ZNF649: variants seen among roughly 807,000 people sequenced by gnomAD.
ZNF649 encodes the protein zinc finger protein 649.
Under a neutral mutation model 14.1 loss-of-function variants are expected in ZNF649, and 7 were observed. The ratio of observed to expected loss-of-function variants is 0.49; its 90% CI spans 0.28 to 0.93. The LOEUF is 0.93. Ranked by LOEUF, ZNF649 falls within the 40% of genes least tolerant of loss-of-function variation. The pLI, the probability that ZNF649 is intolerant of heterozygous loss-of-function variation, is 0.10. For missense variants in ZNF649, 544 were observed against 608.1 expected, an observed-to-expected ratio of 0.89 and a Z score of 1.11; for synonymous variants, 227 against 212.3, an observed-to-expected ratio of 1.07 and a Z score of -0.60.
In ZNF649 at chr19:51,891,614, T is replaced by C; in HGVS notation, c.522A>G (p.Ile174Met). 1.2e-6 allele frequency: 2 copies of C among 1,614,238 alleles called. No individual in the cohort carries two copies. Among genetic ancestry groups the C allele is most frequent in the Non-Finnish European group, 8.5e-7 (1 of 1,180,042 alleles). Residue 174 changes from isoleucine to methionine, a missense_variant, in exon 5 of 5, where the codon ATA becomes ATG. Ile to Met is a conservative substitution (Grantham distance 10, BLOSUM62 1). Coordinates refer to ENST00000354957, the MANE Select transcript of ZNF649 (RefSeq NM_023074.4). This position sits in a 1 kb window ranked among gnomAD's most constrained non-coding sequence, Gnocchi z 4.2. ...QFLKHQQTHN[I>M]EKAHECTDCG... Reference sequence around the variant, plus strand: ...AGTCAGTGCATTCATGGGCTTTCTCTATGTTGTGTGTTTGCTGATGTTTAA... The same window carrying C: ...AGTCAGTGCATTCATGGGCTTTCTCCATGTTGTGTGTTTGCTGATGTTTAA...
chr19:51,899,064 A>G (rs1215443188), intron 2 of ZNF649, among the ~76,000 whole-genome samples: 2 of 152,306 alleles, frequency 1.3e-5, no homozygotes, highest in East Asian at 3.9e-4. Flanking sequence ...GCCCATTCTG[A>G]GCCACCTCAT....
intron 4 of ZNF649, among the ~76,000 whole-genome samples, chr19:51,892,138 G>A (rs2085027624): frequency 6.6e-6 from 1 of 152,094 alleles, no homozygotes; most frequent in Non-Finnish European, 1.5e-5. Flanking sequence ...CACTTTGAGA[G>A]GCCAAGGCGG....
intron 4 of ZNF649, among the ~76,000 whole-genome samples, chr19:51,895,802 T>C (rs2085058827): frequency 6.6e-6 from 1 of 151,954 alleles, no homozygotes; most frequent in Non-Finnish European, 1.5e-5. Context: ...CACATACACA[T>C]ATATACACAC....
At chr19:51,893,807 A>G (rs1362554779) in intron 4 of ZNF649, among the ~76,000 whole-genome samples, 3 of 152,168 alleles carry the variant, frequency 2.0e-5, no homozygotes, top group Admixed American at 2.0e-4. Flanking sequence ...GCATCGGTGA[A>G]TGGAGCCCTC....
At chr19:51,898,678 C>T (rs1201332452) in intron 2 of ZNF649, among the ~76,000 whole-genome samples, 2 of 151,526 alleles carry the variant, frequency 1.3e-5, no homozygotes, top group Non-Finnish European at 2.9e-5. Flanking sequence ...TTTGGGAGGC[C>T]GAGGTGGGCA....
At chr19:51,894,416 G>A (rs947214057) in intron 4 of ZNF649, among the ~76,000 whole-genome samples, 3 of 152,166 alleles carry the variant, frequency 2.0e-5, no homozygotes, top group African/African-American at 4.8e-5. Context: ...TTACAGGCAT[G>A]AGCCACCGCA....
Position 51,891,512 on chromosome 19 carries a change from A to G in ZNF649, c.624T>C (p.Cys208=). 1 of 1,614,166 alleles carries G rather than the reference A, an allele frequency of 6.2e-7. No individual in the cohort carries two copies. Among genetic ancestry groups the G allele is most frequent in the Non-Finnish European group, 8.5e-7 (1 of 1,180,038 alleles). The change falls in exon 5 of 5, where the codon TGT becomes TGC. Residue 208 remains cysteine, a synonymous_variant. Transcript: ENST00000354957. This position sits in a 1 kb window ranked among gnomAD's most constrained non-coding sequence, Gnocchi z 4.2. ...RIHTGKKPHV[C]SLCGKAFYKK... is the part of the protein sequence containing the mutation. ...TGTAGAAGGCTTTCCCACACAAGCT[A>G]CACACGTGGGGTTTCTTTCCTGTAT...
chr19:51,896,663 T>C, intron 3 of ZNF649, 96 bp from the exon 4 acceptor site: 1 of 1,540,670 alleles, frequency 6.5e-7, no homozygotes, highest in Non-Finnish European at 9.0e-7. Context: ...CTGCATAATT[T>C]GCATGTTAGC....
chr19:51,892,157 C>T (rs1344125665), intron 4 of ZNF649, among the ~76,000 whole-genome samples: 3 of 151,998 alleles, frequency 2.0e-5, no homozygotes, highest in Non-Finnish European at 4.4e-5. Context: ...GGGTGGATCA[C>T]AAGGTCAAGA....
chr19:51,901,292 T>G (rs1196373300), intron 1 of ZNF649, among the ~76,000 whole-genome samples: 1 of 152,114 alleles, frequency 6.6e-6, no homozygotes, highest in Admixed American at 6.5e-5. Context: ...AGTGAGCCAC[T>G]CTTATTAGGA....
Position 51,890,377 on chromosome 19 carries a change from G to C in ZNF649, c.*241C>G. On this transcript the variant is annotated 3_prime_UTR_variant, in exon 5 of 5. Transcript: ENST00000354957. ...CCGGAGTAAGAGATATCATTCTGAG[G>C]AACACCAAGTGGAAGCCTCTAAAAC... 2.2e-6 allele frequency: 1 copy of C among 450,280 alleles called. No homozygotes were observed. Among genetic ancestry groups the C allele is most frequent in the Non-Finnish European group, 3.9e-6 (1 of 255,458 alleles). 27.9% of individuals were successfully genotyped at this position (450,280 alleles called of 1,614,324 possible). A position where few individuals can be genotyped will look rare whatever the true frequency, so the allele number is the denominator to read the frequency against.
At chr19:51,903,566 C>T (rs1242070002) in intron 1 of ZNF649, among the ~76,000 whole-genome samples, 1 of 152,184 alleles carries the variant, frequency 6.6e-6, no homozygotes, top group Non-Finnish European at 1.5e-5. Context: ...TGCCTATAAT[C>T]CCAGCACTTT....
chr19:51,904,502 C>A (rs997885457), intron 1 of ZNF649, among the ~76,000 whole-genome samples: 4 of 152,142 alleles, frequency 2.6e-5, no homozygotes, highest in African/African-American at 9.7e-5. Flanking sequence ...CTGGGCCTCC[C>A]CGAAACACTT....
chr19:51,900,389 G>A (rs1373867120), intron 1 of ZNF649, 95 bp from the exon 2 acceptor site: 1 of 350,656 alleles, frequency 2.9e-6, no homozygotes, highest in African/African-American at 2.1e-5. Flanking sequence ...TCAAGGCCAA[G>A]CAATATATCT....
intron 1 of ZNF649, among the ~76,000 whole-genome samples, chr19:51,904,630 G>T (rs146560462): frequency 9.8e-4 from 149 of 151,728 alleles, no homozygotes; most frequent in African/African-American, 3.5e-3. Flanking sequence ...AATGGCGTCG[G>T]TGATAAAGCC....
At chr19:51,896,359 A>G in intron 4 of ZNF649, 113 bp downstream of exon 4, 1 of 851,058 alleles carries the variant, frequency 1.2e-6, no homozygotes, top group Non-Finnish European at 1.9e-6. Flanking sequence ...GGAGAAGAAG[A>G]TGTGGCAGCT....
At chr19:51,892,850 G>A (rs914784222) in intron 4 of ZNF649, among the ~76,000 whole-genome samples, 2 of 152,172 alleles carry the variant, frequency 1.3e-5, no homozygotes, top group African/African-American at 4.8e-5. Flanking sequence ...AGGACATACA[G>A]GTAAGGGTTA....
intron 4 of ZNF649, among the ~76,000 whole-genome samples, chr19:51,893,204 C>T (rs2085036136): frequency 6.6e-6 from 1 of 152,092 alleles, no homozygotes; most frequent in South Asian, 2.1e-4. Context: ...AGTCAAATTC[C>T]ACCTCATTTT....
Position 51,890,864 on chromosome 19 carries a change from G to A in ZNF649, c.1272C>T (p.His424=), listed in dbSNP as rs767470665. 1 of 1,614,250 alleles carries A rather than the reference G, an allele frequency of 6.2e-7. No individual in the cohort carries two copies. The highest frequency in any genetic ancestry group is 1.1e-5 in the South Asian group (1 of 91,088). ...CACAGCCATAGGGTCTCTCTCCCGT[G>A]TGAGTTCTGTGATGTACAATGAGCA... ...KTMLIVHHRT[H]TGERPYGCDE... Residue 424 remains histidine (H), a synonymous_variant, in exon 5 of 5, where the codon CAC becomes CAT. Coordinates refer to ENST00000354957, the MANE Select transcript of ZNF649 (RefSeq NM_023074.4).
Sources: allele counts gnomAD v4.1 joint callset (sites outside exome capture counted in the v4.1 genomes callset), GRCh38; gene constraint gnomAD v4.1.1; non-coding constraint Gnocchi (gnomAD v3.1); transcripts MANE v1.5; gene names NCBI Gene and HGNC (gene_info 2026-07-23, HGNC 2026-07-21).